Variants in WBP2NL observed in about 807,000 individuals in gnomAD.
The protein encoded by WBP2NL is postacrosomal sheath WW domain-binding protein.
Under a neutral mutation model 23.3 loss-of-function variants are expected in WBP2NL, and 27 were observed. The observed-to-expected ratio is 1.16, with a 90% CI of 0.85 to 1.60. The LOEUF is 1.60. WBP2NL is among the 40% of genes most tolerant of loss of function. The probability of loss-of-function intolerance (pLI) is 0.00; values close to 1 mark genes in which losing one functional copy is unlikely to be tolerated. For missense variants in WBP2NL, 370 were observed against 389.5 expected, an observed-to-expected ratio of 0.95 and a Z score of 0.42; for synonymous variants, 151 against 145.9, an observed-to-expected ratio of 1.03 and a Z score of -0.25.
chr22:42,045,220 C>T (rs1412988465), intron 8 of WBP2NL, among the ~76,000 whole-genome samples: 2 of 151,982 alleles, frequency 1.3e-5, no homozygotes, highest in African/African-American at 2.4e-5. Context: ...GGGCGGATCA[C>T]GAGGTCAGGA....
At position 42,027,246 on chromosome 22, in the gene WBP2NL, T is replaced by G; in HGVS notation, c.*65T>G. 6.5e-7 allele frequency: 1 copy of G among 1,527,676 alleles called. No individual in the cohort carries two copies. Among genetic ancestry groups the G allele is most frequent in the Non-Finnish European group, 8.8e-7 (1 of 1,140,896 alleles). 94.6% of individuals were successfully genotyped at this position (1,527,676 alleles called of 1,614,324 possible). On this transcript the variant is annotated 3_prime_UTR_variant, in exon 6 of 6. Coordinates refer to ENST00000328823, the MANE Select transcript of WBP2NL (RefSeq NM_152613.3). ...AGGTACCCTAAAATTGAAGTCAGGA[T>G]AAGGAGGACGACTCAGGTATGTGAT...
chr22:42,008,554 T>C (rs549101440), intron 1 of WBP2NL, among the ~76,000 whole-genome samples: 1 of 152,054 alleles, frequency 6.6e-6, no homozygotes, highest in East Asian at 1.9e-4. Flanking sequence ...TAAAGTGATG[T>C]CTCATTGTGG....
intron 1 of WBP2NL, among the ~76,000 whole-genome samples, chr22:42,000,793 G>A (rs1180961395): frequency 4.6e-5 from 7 of 151,620 alleles, no homozygotes; most frequent in Non-Finnish European, 1.0e-4. Flanking sequence ...AAAACAGCCG[G>A]GAGTGGTGGC....
intron 8 of WBP2NL, among the ~76,000 whole-genome samples, chr22:42,048,624 C>T (rs1202540627): frequency 9.9e-5 from 15 of 151,188 alleles, no homozygotes; most frequent in African/African-American, 3.4e-4. Context: ...GGTGTGGTGG[C>T]GGGTGCCTGT....
In WBP2NL at chr22:42,027,290, A is replaced by G; in HGVS notation, c.*109A>G. ...ATGTGATCACAGGCTTCTCGCAGGT[A>G]GTTGTTCCACCCTTTGGAAGGGCAA... On this transcript the variant is annotated 3_prime_UTR_variant, in exon 6 of 6. Coordinates refer to ENST00000328823, the MANE Select transcript of WBP2NL (RefSeq NM_152613.3). 7.2e-7 allele frequency: 1 copy of G among 1,394,544 alleles called. No homozygotes were observed. The highest frequency in any genetic ancestry group is 1.5e-5 in the South Asian group (1 of 65,722). The allele number at this position is 1,394,544 out of a possible 1,614,324, so 86.4% of individuals were successfully genotyped here. A position where few individuals can be genotyped will look rare whatever the true frequency, so the allele number is the denominator to read the frequency against.
At chr22:42,019,290 T>G in intron 1 of WBP2NL, 21 bp from the exon 2 acceptor site, 1 of 1,598,934 alleles carries the variant, frequency 6.3e-7, no homozygotes, top group Non-Finnish European at 8.5e-7. Flanking sequence ...TTGTGTGCCG[T>G]CTGTTCCTCA....
chr22:42,026,037 C>T (rs981907939), intron 5 of WBP2NL, among the ~76,000 whole-genome samples: 18 of 151,934 alleles, frequency 1.2e-4, no homozygotes, highest in South Asian at 2.1e-4. Context: ...TTTGGGAGGC[C>T]GAGGCGGGTG....
intron 1 of WBP2NL, among the ~76,000 whole-genome samples, chr22:42,016,543 A>C (rs1378677090): frequency 6.6e-6 from 1 of 152,180 alleles, no homozygotes; most frequent in Non-Finnish European, 1.5e-5. Context: ...ACTTACTGAG[A>C]TTTGGCTTTT....
intron 8 of WBP2NL, among the ~76,000 whole-genome samples, chr22:42,050,014 G>A (rs1925778181): frequency 6.6e-6 from 1 of 150,842 alleles, no homozygotes; most frequent in South Asian, 2.1e-4. Flanking sequence ...GCACATTTTG[G>A]TGTGGCACAT....
intron 1 of WBP2NL, chr22:42,002,611 CTCAG>C (rs1329939411): frequency 6.6e-6 from 1 of 152,102 alleles, no homozygotes; most frequent in Non-Finnish European, 1.5e-5. Context: ...AGTAAAAAAA[CTCAG>C]TCTATCTACA....
At chr22:42,053,463 T>A (rs940907084) in intron 8 of WBP2NL, among the ~76,000 whole-genome samples, 1 of 151,946 alleles carries the variant, frequency 6.6e-6, no homozygotes, top group African/African-American at 2.4e-5. Context: ...TTTTTCTTTT[T>A]CTTTTTCTTT....
downstream of WBP2NL, among the ~76,000 whole-genome samples, chr22:42,029,661 T>TG (rs1924810106): frequency 6.6e-6 from 1 of 152,248 alleles, no homozygotes; most frequent in African/African-American, 2.4e-5. Flanking sequence ...CATGAGCCAC[T>TG]GCGCCTGGCC....
At chr22:42,020,678 G>A (rs1005793868) in intron 4 of WBP2NL, among the ~76,000 whole-genome samples, 5 of 151,000 alleles carry the variant, frequency 3.3e-5, no homozygotes, top group African/African-American at 9.7e-5. Flanking sequence ...TCTTTCTTTG[G>A]TGTGGCTTTT....
At chr22:42,023,309 C>G (rs972563266) in intron 5 of WBP2NL, among the ~76,000 whole-genome samples, 4 of 151,974 alleles carry the variant, frequency 2.6e-5, no homozygotes, top group Non-Finnish European at 4.4e-5. Context: ...CTCAGTACCC[C>G]CCAACCAGAG....
At chr22:42,013,395 A>AAAAAAG (rs559813205) in intron 1 of WBP2NL, among the ~76,000 whole-genome samples, 4 of 152,004 alleles carry the variant, frequency 2.6e-5, no homozygotes, top group Non-Finnish European at 5.9e-5. Context: ...TCAAAAAAAA[A>AAAAAAG]AAAAAGAAAA....
chr22:42,021,789 C>CTTTT (rs11413615), intron 4 of WBP2NL, among the ~76,000 whole-genome samples: 9 of 132,684 alleles, frequency 6.8e-5, no homozygotes, highest in East Asian at 2.2e-4. Context: ...TTCTTTCTTT[C>CTTTT]TTTTTTTTTT....
At chr22:42,023,527 G>A (rs1924168821) in intron 5 of WBP2NL, among the ~76,000 whole-genome samples, 1 of 151,678 alleles carries the variant, frequency 6.6e-6, no homozygotes, top group South Asian at 2.1e-4. Context: ...TTTTGAGAGG[G>A]AGTCTTGCTC....
At chr22:42,049,705 C>CAAAAAAAAAAAAAAAAA (rs1158837575) in intron 8 of WBP2NL, among the ~76,000 whole-genome samples, 8 of 37,472 alleles carry the variant, frequency 2.1e-4, no homozygotes, top group East Asian at 9.2e-4. Context: ...CAAAACAAAA[C>CAAAAAAAAAAAAAAAAA]AAAAAAAAAA....
At chr22:42,018,826 TC>T (rs1258724256) in intron 1 of WBP2NL, among the ~76,000 whole-genome samples, 1 of 151,664 alleles carries the variant, frequency 6.6e-6, no homozygotes, top group Non-Finnish European at 1.5e-5. Flanking sequence ...GAGAATAAGA[TC>T]ATTTGAATTC....
Sources: gnomAD v4.1 joint callset for allele counts (sites outside exome capture counted in the v4.1 genomes callset) on GRCh38, gnomAD v4.1.1 for gene constraint, MANE v1.5 for transcripts, NCBI Gene and HGNC (gene_info 2026-07-23, HGNC 2026-07-21) for gene names.